TBC1D2: variants seen among roughly 807,000 people sequenced by gnomAD.
The protein encoded by TBC1D2 is TBC1 domain family member 2A.
In TBC1D2, 58 loss-of-function variants were observed where a neutral mutation model predicts 91.1. That is an observed-to-expected ratio of 0.64 (90% confidence interval 0.52 to 0.79). The LOEUF (loss-of-function observed/expected upper bound fraction) is 0.79. Ranked by LOEUF, TBC1D2 falls within the 30% of genes least tolerant of loss-of-function variation. The probability of loss-of-function intolerance (pLI) is 0.00; values close to 1 mark genes in which losing one functional copy is unlikely to be tolerated. For missense variants in TBC1D2, 1,080 were observed against 1,208.3 expected, an observed-to-expected ratio of 0.89 and a Z score of 1.57; for synonymous variants, 482 against 511.5, an observed-to-expected ratio of 0.94 and a Z score of 0.78.
At chr9:98,221,612 C>T (rs886702134) in intron 5 of TBC1D2, among the ~76,000 whole-genome samples, 2 of 152,224 alleles carry the variant, frequency 1.3e-5, no homozygotes, top group African/African-American at 4.8e-5. Context: ...CCGCCTCAGA[C>T]CCACAGCAGA....
chr9:98,208,520 A>C (rs981535144), intron 9 of TBC1D2, 148 bp downstream of exon 9: 1 of 705,170 alleles, frequency 1.4e-6, no homozygotes, highest in African/African-American at 1.8e-5. Flanking sequence ...GGCAGAGCTC[A>C]GGTGGTAATG....
At chr9:98,234,569 G>T (rs1217732116) in intron 3 of TBC1D2, 1 of 152,230 alleles carries the variant, frequency 6.6e-6, no homozygotes, top group Admixed American at 6.5e-5. Flanking sequence ...CAGGGCTGCT[G>T]CCACCTGCCT....
At chr9:98,209,606 A>G (rs1174185231) in intron 8 of TBC1D2, among the ~76,000 whole-genome samples, 1 of 151,752 alleles carries the variant, frequency 6.6e-6, no homozygotes, top group Admixed American at 6.6e-5. Flanking sequence ...CCGTTCCAGA[A>G]GGCCTTTGAT....
At chr9:98,210,929 C>T in intron 7 of TBC1D2, 86 bp from the exon 8 acceptor site, 3 of 1,193,684 alleles carry the variant, frequency 2.5e-6, no homozygotes, top group Non-Finnish European at 3.5e-6. Context: ...TTAGGCAGCA[C>T]AGCCCTTCCA....
Position 98,208,792 on chromosome 9 carries a change from G to A in TBC1D2, c.2026C>T (p.Arg676Trp), listed in dbSNP as rs765266852. ...AARQIELDLNRTFPNNKHFTC... is the reference protein window; with the variant it reads ...AARQIELDLNWTFPNNKHFTC... ...AAGTGTTTGTTGTTGGGGAAGGTCC[G>A]GTTCAGGTCCAGCTCAATCTGGCGG... The change falls in exon 9 of 13, where the codon CGG becomes TGG. Residue 676 changes from arginine (R) to tryptophan (W), a missense_variant. Physicochemically the swap from Arg to Trp is moderately radical, Grantham distance 101. Transcript: ENST00000465784. 12 of 1,595,422 alleles carry A rather than the reference G, an allele frequency of 7.5e-6. No individual in the cohort carries two copies. Among genetic ancestry groups the A allele is most frequent in the African/African-American group, 1.3e-5 (1 of 74,766 alleles).
chr9:98,209,038 C>T lies in TBC1D2; in HGVS notation c.1780G>A (p.Gly594Ser). 6.2e-7 allele frequency: 1 copy of T among 1,614,170 alleles called. No individual in the cohort carries two copies. The highest frequency in any genetic ancestry group is 8.5e-7 in the Non-Finnish European group (1 of 1,180,032). ...ALESRSHHLL[G>S]LEAVDRPLRE... ...AGCGGCCGATCCACAGCCTCGAGGC[C>T]CAGCAGGTGGTGGGATCGTGACTCC... The change falls in exon 9 of 13, where the codon GGC (glycine) becomes AGC (serine). Residue 594 changes from glycine to serine, a missense_variant. Gly to Ser is a moderately conservative substitution (Grantham distance 56). Transcript: ENST00000465784.
Position 98,208,933 on chromosome 9 carries a change from C to T in TBC1D2, c.1885G>A (p.Glu629Lys). The stretch of plus-strand genomic sequence containing the variant: ...CACCTCCAGACACGAGGCCGGTGTT[C>T]ACGGGGTACTCCTGCCCGCAGTAGC... ...KQLLRAGVPR[E>K]HRPRVWRWLV... The change falls in exon 9 of 13, where the codon GAA becomes AAA. Residue 629 changes from glutamate (E) to lysine (K), a missense_variant. By Grantham distance (56) the Glu-to-Lys change is moderately conservative (BLOSUM62 1). Coordinates refer to ENST00000465784, the MANE Select transcript of TBC1D2 (RefSeq NM_001267571.2). 6.2e-7 allele frequency: 1 copy of T among 1,614,132 alleles called. No homozygotes were observed. The highest frequency in any genetic ancestry group is 1.3e-5 in the African/African-American group (1 of 75,038).
Position 98,233,417 on chromosome 9 carries a change from TGG to T in TBC1D2, c.778_779del (p.Pro260ArgfsTer36). ...GCTCAGCCCTGGACAGAGGCTCACCTGGGGTGCTGGCGTCAGAGGCCAAGGGC... is the reference window on the plus strand; with the variant it reads ...GCTCAGCCCTGGACAGAGGCTCACCTGGTGCTGGCGTCAGAGGCCAAGGGC... ...EQPLASDAST[P>X]GREPEDSPKP... On this transcript the variant is annotated frameshift_variant and splice_region_variant, in exon 4 of 13. Coordinates refer to ENST00000465784, the MANE Select transcript of TBC1D2 (RefSeq NM_001267571.2). LOFTEE classifies it high-confidence loss of function. The T allele has an allele frequency of 6.2e-7, 1 of 1,613,536 alleles. No individual in the cohort carries two copies. Among genetic ancestry groups the T allele is most frequent in the Non-Finnish European group, 8.5e-7 (1 of 1,179,710 alleles).
At chr9:98,226,754 T>C (rs1829241793) in intron 5 of TBC1D2, among the ~76,000 whole-genome samples, 1 of 152,216 alleles carries the variant, frequency 6.6e-6, no homozygotes, top group South Asian at 2.1e-4. Context: ...GAAGGTTACC[T>C]GGTAGAAAAA....
At chr9:98,201,352 T>C in intron 11 of TBC1D2, 127 bp downstream of exon 11, 2 of 848,082 alleles carry the variant, frequency 2.4e-6, no homozygotes, top group South Asian at 3.5e-5. Flanking sequence ...GACAATGCTC[T>C]CAGGAGACGT....
intron 1 of TBC1D2, among the ~76,000 whole-genome samples, chr9:98,252,448 C>A (rs536894112): frequency 3.9e-5 from 6 of 152,334 alleles, no homozygotes; most frequent in Admixed American, 3.9e-4. Flanking sequence ...AAGCCACATG[C>A]ACATGTGACA....
chr9:98,240,476 T>C (rs965616788), intron 3 of TBC1D2, among the ~76,000 whole-genome samples: 4 of 152,218 alleles, frequency 2.6e-5, no homozygotes, highest in African/African-American at 9.7e-5. Context: ...ATGATCATGA[T>C]AGGCACTACT....
chr9:98,249,245 C>T (rs931269555), intron 2 of TBC1D2, among the ~76,000 whole-genome samples: 2 of 152,200 alleles, frequency 1.3e-5, no homozygotes, highest in Non-Finnish European at 2.9e-5. Context: ...GTCCCTGCTT[C>T]CTGAGTCTCA....
rs1005837341 is a variant in TBC1D2, at chr9:98,228,815, T to C, written c.978+137A>G. 1.4e-5 allele frequency: 11 copies of C among 783,102 alleles called. No individual in the cohort carries two copies. In the African/African-American group the frequency reaches 1.7e-4, roughly 12 times the overall value. The allele number at this position is 783,102 out of a possible 1,614,324, so 48.5% of individuals were successfully genotyped here. ...AGTAATCAACAGCATATTTCAACAT[T>C]CTGCAGTTTGGCCTTTAAAGACCAG... is the stretch of plus-strand genomic sequence containing the variant. On this transcript the variant is annotated intron_variant, in intron 5 of 12. Transcript: ENST00000465784. This position sits in a 1 kb window ranked among gnomAD's most constrained non-coding sequence, Gnocchi z 4.0.
intron 6 of TBC1D2, among the ~76,000 whole-genome samples, 158 bp downstream of exon 6, chr9:98,220,675 C>G (rs941298832): frequency 1.3e-5 from 2 of 152,188 alleles, no homozygotes; most frequent in Non-Finnish European, 2.9e-5. Context: ...AAGCGTAGAG[C>G]AATATTCCCA....
intron 2 of TBC1D2, 32 bp downstream of exon 2, chr9:98,251,753 G>A (rs754801285): frequency 9.1e-6 from 14 of 1,542,032 alleles, no homozygotes; most frequent in Middle Eastern, 1.7e-4. Flanking sequence ...AGAGCCCTGG[G>A]TGTGCAGGCA....
At chr9:98,245,187 C>T (rs552186560) in intron 2 of TBC1D2, among the ~76,000 whole-genome samples, 1 of 152,140 alleles carries the variant, frequency 6.6e-6, no homozygotes, top group East Asian at 1.9e-4. Flanking sequence ...TTGCAGTGAG[C>T]CTAGATCGTG....
chr9:98,242,621 C>A (rs577521007), intron 3 of TBC1D2, among the ~76,000 whole-genome samples: 11 of 152,230 alleles, frequency 7.2e-5, no homozygotes, highest in African/African-American at 2.4e-4. Flanking sequence ...AAGCAGGCTG[C>A]ATGCATTAAA....
intron 6 of TBC1D2, among the ~76,000 whole-genome samples, chr9:98,219,889 TAC>T (rs1229948151): frequency 6.6e-6 from 1 of 152,176 alleles, no homozygotes; most frequent in African/African-American, 2.4e-5. Flanking sequence ...TGGCTCCCTT[TAC>T]GGACAGTGGA....
Sources: gnomAD v4.1 joint callset for allele counts (sites outside exome capture counted in the v4.1 genomes callset) on GRCh38, gnomAD v4.1.1 for gene constraint, Gnocchi (gnomAD v3.1) non-coding constraint, MANE v1.5 for transcripts, NCBI Gene and HGNC (gene_info 2026-07-23, HGNC 2026-07-21) for gene names.